CXCL13: variants seen among roughly 807,000 people sequenced by gnomAD.
The protein encoded by CXCL13 is C-X-C motif chemokine 13.
A neutral mutation model predicts 12.2 loss-of-function variants in CXCL13; 7 were observed. The ratio of observed to expected loss-of-function variants is 0.57; its 90% CI spans 0.33 to 1.07. The LOEUF is 1.07. CXCL13 is among the 50% of genes least tolerant of loss of function. CXCL13 has a pLI of 0.04. For synonymous variants in CXCL13, 47 were observed against 42.4 expected (o/e 1.11, Z -0.42); for missense variants, 113 against 127.4 (o/e 0.89, Z 0.55).
chr4:77,570,286 G>A (rs1002469535), intron 1 of CXCL13, among the ~76,000 whole-genome samples: 1 of 152,200 alleles, frequency 6.6e-6, no homozygotes, highest in African/African-American at 2.4e-5. Context: ...CTAAACTAAA[G>A]AGCTTCAGCA....
chr4:77,598,672 G>C (rs527519647), intron 1 of CXCL13, among the ~76,000 whole-genome samples: 1 of 152,298 alleles, frequency 6.6e-6, no homozygotes, highest in East Asian at 1.9e-4. Flanking sequence ...AGAGTGGCAG[G>C]TTATTGCGGA....
chr4:77,514,382 C>A (rs1724355828), intron 1 of CXCL13, among the ~76,000 whole-genome samples: 1 of 145,406 alleles, frequency 6.9e-6, no homozygotes, highest in Non-Finnish European at 1.5e-5. Context: ...AATCACCACA[C>A]TGACTTCCAC....
At chr4:77,547,064 TA>T (rs914582262) in intron 1 of CXCL13, among the ~76,000 whole-genome samples, 3 of 152,234 alleles carry the variant, frequency 2.0e-5, no homozygotes, top group Non-Finnish European at 4.4e-5. Flanking sequence ...GTGAGTTTCT[TA>T]ATCCCAAGTA....
intron 1 of CXCL13, among the ~76,000 whole-genome samples, chr4:77,529,619 T>C (rs1724853861): frequency 6.6e-6 from 1 of 152,236 alleles, no homozygotes; most frequent in Non-Finnish European, 1.5e-5. Context: ...TTTTGCACAT[T>C]GATTTTGTAT....
chr4:77,514,874 C>T (rs1724376306), intron 1 of CXCL13, among the ~76,000 whole-genome samples: 1 of 152,124 alleles, frequency 6.6e-6, no homozygotes, highest in African/African-American at 2.4e-5. Flanking sequence ...GACATGAAGT[C>T]CTTACCCGTG....
chr4:77,541,675 G>C (rs1725209582), intron 1 of CXCL13, among the ~76,000 whole-genome samples: 1 of 152,064 alleles, frequency 6.6e-6, no homozygotes, highest in Non-Finnish European at 1.5e-5. Flanking sequence ...TTTTTGCTTA[G>C]GATTGCTTTG....
At chr4:77,519,871 C>T (rs944854008) in intron 1 of CXCL13, among the ~76,000 whole-genome samples, 11 of 152,174 alleles carry the variant, frequency 7.2e-5, no homozygotes, top group African/African-American at 2.6e-4. Flanking sequence ...GTCTTTAATC[C>T]ATCTTGAATT....
At chr4:77,523,547 G>T (rs553501323) in intron 1 of CXCL13, among the ~76,000 whole-genome samples, 1 of 152,130 alleles carries the variant, frequency 6.6e-6, no homozygotes, top group African/African-American at 2.4e-5. Context: ...TCGTGCCATG[G>T]TTTTCAGCTC....
intron 1 of CXCL13, among the ~76,000 whole-genome samples, chr4:77,533,646 G>A (rs928211636): frequency 1.1e-4 from 16 of 152,304 alleles, no homozygotes; most frequent in Admixed American, 3.3e-4. Flanking sequence ...AGTCTATAGC[G>A]GTAGGCAGGC....
intron 1 of CXCL13, among the ~76,000 whole-genome samples, chr4:77,595,534 TC>T (rs966956737): frequency 2.0e-5 from 3 of 152,204 alleles, no homozygotes; most frequent in African/African-American, 7.2e-5. Flanking sequence ...AATAAGCCTT[TC>T]TTTGTTTGTG....
upstream of CXCL13, among the ~76,000 whole-genome samples, chr4:77,604,567 G>A (rs1005849098): frequency 6.6e-6 from 1 of 151,942 alleles, no homozygotes; most frequent in Admixed American, 6.5e-5. Context: ...CAAACTGCTA[G>A]GGAAGCAGCT....
At chr4:77,542,114 G>T (rs575533064) in intron 1 of CXCL13, among the ~76,000 whole-genome samples, 1 of 152,228 alleles carries the variant, frequency 6.6e-6, no homozygotes, top group East Asian at 1.9e-4. Flanking sequence ...TTTTGAAGGA[G>T]TCTTTAGGAT....
chr4:77,598,609 G>A (rs898511241), intron 1 of CXCL13, among the ~76,000 whole-genome samples: 1 of 152,172 alleles, frequency 6.6e-6, no homozygotes, highest in Non-Finnish European at 1.5e-5. Context: ...ATGGAATCTG[G>A]AAGATGCCTC....
chr4:77,548,311 C>A (rs1725425750), intron 1 of CXCL13, among the ~76,000 whole-genome samples: 2 of 152,192 alleles, frequency 1.3e-5, no homozygotes, highest in Non-Finnish European at 2.9e-5. Context: ...TCAGCAAGGT[C>A]TTTACAAAAA....
At chr4:77,558,598 C>T (rs1376470264) in intron 1 of CXCL13, among the ~76,000 whole-genome samples, 1 of 152,186 alleles carries the variant, frequency 6.6e-6, no homozygotes, top group Non-Finnish European at 1.5e-5. Context: ...GGTGATCTGC[C>T]CGCCTTGGCC....
chr4:77,606,996 T>C (rs1415574301), intron 1 of CXCL13, among the ~76,000 whole-genome samples: 1 of 152,212 alleles, frequency 6.6e-6, no homozygotes, highest in East Asian at 1.9e-4. Context: ...TGCCTTTTGT[T>C]CTGTAATGAT....
At chr4:77,547,943 C>T (rs556716002) in intron 1 of CXCL13, among the ~76,000 whole-genome samples, 135 of 152,146 alleles carry the variant, frequency 8.9e-4, no homozygotes, top group African/African-American at 3.1e-3. Context: ...GACAAAATTT[C>T]TCAGCATTTG....
chr4:77,589,749 A>G (rs1374655776), intron 1 of CXCL13, among the ~76,000 whole-genome samples: 2 of 152,166 alleles, frequency 1.3e-5, no homozygotes, highest in Non-Finnish European at 2.9e-5. Flanking sequence ...GAGAGATATT[A>G]TATGCTTTTC....
chr4:77,515,605 G>C (rs1490426582), intron 1 of CXCL13, among the ~76,000 whole-genome samples: 5 of 152,082 alleles, frequency 3.3e-5, no homozygotes, highest in Non-Finnish European at 7.4e-5. Context: ...TTGGCTCTCT[G>C]TTTGTCTGTT....
Sources: gnomAD v4.1 joint callset for allele counts (sites outside exome capture counted in the v4.1 genomes callset) on GRCh38, gnomAD v4.1.1 for gene constraint, MANE v1.5 for transcripts, NCBI Gene and HGNC (gene_info 2026-07-23, HGNC 2026-07-21) for gene names.